ARMH3: variants seen among roughly 807,000 people sequenced by gnomAD.
ARMH3 encodes armadillo-like helical domain-containing protein 3.
In ARMH3, 60 loss-of-function variants were observed where a neutral mutation model predicts 99.1. The ratio of observed to expected loss-of-function variants is 0.61; its 90% CI spans 0.49 to 0.75. ARMH3 has a LOEUF of 0.75. Among genes scored for constraint, ARMH3 ranks in the 30% least tolerant of loss-of-function variants. The probability of loss-of-function intolerance (pLI) is 0.00; values close to 1 mark genes in which losing one functional copy is unlikely to be tolerated. For synonymous variants in ARMH3, 285 were observed against 292.8 expected (o/e 0.97, Z 0.27); for missense variants, 679 against 843.1 (o/e 0.81, Z 2.41).
chr10:101,904,596 G>A (rs1253441876), intron 23 of ARMH3, among the ~76,000 whole-genome samples: 4 of 151,870 alleles, frequency 2.6e-5, no homozygotes, highest in Non-Finnish European at 5.9e-5. Flanking sequence ...CCTTTCGGCC[G>A]TCTTCCTGTT....
chr10:101,902,258 C>T (rs188383617), intron 23 of ARMH3, among the ~76,000 whole-genome samples: 145 of 152,218 alleles, frequency 9.5e-4, no homozygotes, highest in African/African-American at 3.2e-3. Context: ...GAAACTCTCA[C>T]AAGGGGAAGG....
At chr10:101,998,109 G>A (rs1847143957) in intron 15 of ARMH3, among the ~76,000 whole-genome samples, 1 of 152,134 alleles carries the variant, frequency 6.6e-6, no homozygotes, top group Non-Finnish European at 1.5e-5. Context: ...TTTTATGGAT[G>A]GCAAGTGACC....
chr10:101,957,012 T>C (rs1845071066), intron 21 of ARMH3, among the ~76,000 whole-genome samples: 1 of 152,258 alleles, frequency 6.6e-6, no homozygotes, highest in Admixed American at 6.5e-5. Flanking sequence ...AACTATTATA[T>C]CTGTGTGGTG....
intron 19 of ARMH3, among the ~76,000 whole-genome samples, chr10:101,978,786 A>G (rs1846113099): frequency 6.6e-6 from 1 of 152,092 alleles, no homozygotes; most frequent in East Asian, 1.9e-4. Flanking sequence ...CTAAAAATAC[A>G]AAAAATTAGC....
At chr10:101,847,863 G>A (rs904452369) in intron 25 of ARMH3, among the ~76,000 whole-genome samples, 1 of 152,186 alleles carries the variant, frequency 6.6e-6, no homozygotes, top group East Asian at 1.9e-4. Context: ...AGAGCATCTG[G>A]GCTCCTGGGG....
chr10:101,985,206 G>A (rs1377598703), intron 19 of ARMH3, among the ~76,000 whole-genome samples: 1 of 139,904 alleles, frequency 7.1e-6, no homozygotes. Context: ...ATATATATAC[G>A]TATATATGTA....
chr10:102,000,065 A>G (rs2066316581), intron 15 of ARMH3, among the ~76,000 whole-genome samples: 1 of 152,182 alleles, frequency 6.6e-6, no homozygotes, highest in African/African-American at 2.4e-5. Flanking sequence ...TAGGCAACAG[A>G]GCAAGATTCT....
chr10:101,997,317 C>A (rs912135263), intron 15 of ARMH3, among the ~76,000 whole-genome samples: 2 of 150,854 alleles, frequency 1.3e-5, no homozygotes, highest in African/African-American at 4.9e-5. Flanking sequence ...TTCTGGGCCA[C>A]GCGTGGTGGC....
At chr10:101,982,036 A>C (rs556009283) in intron 19 of ARMH3, among the ~76,000 whole-genome samples, 62 of 150,990 alleles carry the variant, frequency 4.1e-4, no homozygotes, top group African/African-American at 1.3e-3. Context: ...AAAAAAAAAA[A>C]AAAAAAAACA....
chr10:101,907,559 T>C (rs1215069741), intron 23 of ARMH3, among the ~76,000 whole-genome samples: 1 of 152,106 alleles, frequency 6.6e-6, no homozygotes, highest in Non-Finnish European at 1.5e-5. Flanking sequence ...TTTTTTTGTA[T>C]TTTTAGTAGA....
intron 23 of ARMH3, among the ~76,000 whole-genome samples, chr10:101,908,766 C>T (rs758585598): frequency 4.6e-5 from 7 of 151,120 alleles, no homozygotes; most frequent in Non-Finnish European, 5.9e-5. Flanking sequence ...CGAGTTCAAG[C>T]GATTCTCCTG....
chr10:101,889,481 G>A lies in ARMH3; in HGVS notation c.1791C>T (p.Ile597=), dbSNP rs756881646. ...ACTCAATTTTGGGGTTAAAGTGGTT[G>A]ATGATGGCTCTGAAACAAAGAATTC... ...THALVNIRAI[I]NHFNPKIESY... is the part of the protein sequence containing the mutation. The change falls in exon 24 of 26, where the codon ATC becomes ATT. Residue 597 remains isoleucine, a synonymous_variant. Coordinates refer to ENST00000370033, the MANE Select transcript of ARMH3 (RefSeq NM_024541.3). 12 of 1,612,710 alleles carry A rather than the reference G, an allele frequency of 7.4e-6. No individual in the cohort carries two copies. In the South Asian group the frequency reaches 1.2e-4, roughly 16 times the overall value.
At chr10:101,851,933 G>T (rs974719817) in intron 24 of ARMH3, among the ~76,000 whole-genome samples, 2 of 152,184 alleles carry the variant, frequency 1.3e-5, no homozygotes, top group Non-Finnish European at 2.9e-5. Context: ...AAGTAATCTG[G>T]TCCTCTCATG....
At chr10:101,877,074 TG>T (rs1311009404) in intron 24 of ARMH3, among the ~76,000 whole-genome samples, 1 of 151,998 alleles carries the variant, frequency 6.6e-6, no homozygotes, top group Non-Finnish European at 1.5e-5. Context: ...CAGGGTGTGG[TG>T]GCGCACACCT....
chr10:101,860,100 G>A (rs1018567482), intron 24 of ARMH3, among the ~76,000 whole-genome samples: 1 of 152,094 alleles, frequency 6.6e-6, no homozygotes, highest in African/African-American at 2.4e-5. Context: ...GGGAATATCA[G>A]AAATGTTTTA....
intron 23 of ARMH3, among the ~76,000 whole-genome samples, chr10:101,935,538 T>C (rs1369055291): frequency 6.6e-6 from 1 of 152,160 alleles, no homozygotes; most frequent in Non-Finnish European, 1.5e-5. Flanking sequence ...CTGCTGCCTT[T>C]CACCTGCTAG....
chr10:101,935,174 A>ATATATATATAT (rs1843902399), intron 23 of ARMH3, among the ~76,000 whole-genome samples: 3 of 117,106 alleles, frequency 2.6e-5, no homozygotes, highest in African/African-American at 6.4e-5. Flanking sequence ...AAGGTGGAGC[A>ATATATATATAT]ATATATATAT....
chr10:101,943,846 C>T (rs1279826734), intron 22 of ARMH3, among the ~76,000 whole-genome samples: 6 of 151,636 alleles, frequency 4.0e-5, no homozygotes, highest in Non-Finnish European at 5.9e-5. Context: ...GGGTGGATCA[C>T]GAGCTCAGGA....
rs1443441941 is a variant in ARMH3, at chr10:102,025,243, C to G, written c.420G>C (p.Leu140Phe). ...FDKAELCMKNLMESLDSLLCA... is the reference protein window; with the variant it reads ...FDKAELCMKNFMESLDSLLCA... ...AAAGCAATGAATCCAAACTCTCCAT[C>G]AAGTTCTGAGAAAGAGAACCAATAA... Residue 140 changes from leucine to phenylalanine, a missense_variant, in exon 6 of 26, where the codon TTG becomes TTC. Coordinates refer to ENST00000370033, the MANE Select transcript of ARMH3 (RefSeq NM_024541.3). 4 of 1,613,486 alleles carry G rather than the reference C, an allele frequency of 2.5e-6. No individual in the cohort carries two copies. The highest frequency in any genetic ancestry group is 3.4e-6 in the Non-Finnish European group (4 of 1,179,666).
Sources: gnomAD v4.1 joint callset for allele counts (sites outside exome capture counted in the v4.1 genomes callset) on GRCh38, gnomAD v4.1.1 for gene constraint, MANE v1.5 for transcripts, NCBI Gene and HGNC (gene_info 2026-07-23, HGNC 2026-07-21) for gene names.